ZFYVE1: variants seen among roughly 807,000 people sequenced by gnomAD.
ZFYVE1 encodes zinc finger FYVE-type containing 1.
In ZFYVE1, 30 loss-of-function variants were observed where a neutral mutation model predicts 74.4. The ratio of observed to expected loss-of-function variants is 0.40; its 90% CI spans 0.30 to 0.55. ZFYVE1 has a LOEUF of 0.55. Ranked by LOEUF, ZFYVE1 falls within the 20% of genes least tolerant of loss-of-function variation. ZFYVE1 has a pLI of 0.42. For missense variants in ZFYVE1, 703 were observed against 1,011.6 expected, an observed-to-expected ratio of 0.69 and a Z score of 4.14; for synonymous variants, 335 against 385.1, an observed-to-expected ratio of 0.87 and a Z score of 1.52.
chr14:72,997,777 A>T, intron 3 of ZFYVE1, 34 bp downstream of exon 3: 3 of 1,543,536 alleles, frequency 1.9e-6, no homozygotes, highest in Non-Finnish European at 2.6e-6. Context: ...GTACCCATAA[A>T]GGTTGAGCTG....
chr14:73,017,377 C>G (rs1395068031), intron 2 of ZFYVE1, among the ~76,000 whole-genome samples: 1 of 152,168 alleles, frequency 6.6e-6, no homozygotes, highest in Non-Finnish European at 1.5e-5. Flanking sequence ...CATGCTCCCC[C>G]AAAAGCTCAG....
intron 4 of ZFYVE1, chr14:72,987,052 T>A: frequency 1.3e-6 from 1 of 765,748 alleles, no homozygotes; most frequent in Non-Finnish European, 1.6e-6. Context: ...TGAACTTTAG[T>A]TGCCTTGACA....
chr14:72,984,873 A>G (rs1264126010), intron 4 of ZFYVE1, among the ~76,000 whole-genome samples: 1 of 152,232 alleles, frequency 6.6e-6, no homozygotes, highest in South Asian at 2.1e-4. Context: ...ATACTGTGAA[A>G]GCAGCTTCCT....
At chr14:73,022,828 T>A (rs982330726) in intron 2 of ZFYVE1, among the ~76,000 whole-genome samples, 31 of 152,212 alleles carry the variant, frequency 2.0e-4, no homozygotes, top group Non-Finnish European at 1.8e-4. Context: ...CATTCTGTAC[T>A]CCCAGATGCC....
intron 2 of ZFYVE1, among the ~76,000 whole-genome samples, chr14:73,007,074 A>AC (rs1893996526): frequency 6.6e-6 from 1 of 152,080 alleles, no homozygotes; most frequent in African/African-American, 2.4e-5. Context: ...CCTGCGACCC[A>AC]AGCAGGCCAA....
At chr14:72,995,589 AC>A (rs1172659651) in intron 3 of ZFYVE1, among the ~76,000 whole-genome samples, 1 of 152,082 alleles carries the variant, frequency 6.6e-6, no homozygotes, top group Non-Finnish European at 1.5e-5. Context: ...TGGCAATTAA[AC>A]CTTCCCCTCA....
rs1343532993 is a variant in ZFYVE1 at position 72,969,567 on chromosome 14, G to A, written c.*1315C>T. The A allele has an allele frequency of 9.8e-5, 62 of 631,230 alleles. No homozygotes were observed. Among genetic ancestry groups the A allele is most frequent in the Non-Finnish European group, 1.1e-4 (38 of 353,334 alleles). The allele number at this position is 631,230 out of a possible 1,614,324, so 39.1% of individuals were successfully genotyped here. On this transcript the variant is annotated 3_prime_UTR_variant, in exon 12 of 12. Transcript: ENST00000556143. ...GGGCTGAGAGGGACGACACACTCCA[G>A]GGCTCATGTCACACCGATAGGCGCA...
intron 2 of ZFYVE1, among the ~76,000 whole-genome samples, chr14:73,009,372 G>T (rs1049615943): frequency 6.6e-6 from 1 of 152,198 alleles, no homozygotes; most frequent in Non-Finnish European, 1.5e-5. Flanking sequence ...TGTAGTAAAT[G>T]CTAGAGGCAT....
At chr14:73,023,718 C>T (rs1429452220) in intron 2 of ZFYVE1, among the ~76,000 whole-genome samples, 1 of 151,910 alleles carries the variant, frequency 6.6e-6, no homozygotes, top group East Asian at 1.9e-4. Flanking sequence ...CAACAGCTAC[C>T]GTATACACTG....
intron 8 of ZFYVE1, among the ~76,000 whole-genome samples, chr14:72,977,263 C>T (rs565209756): frequency 2.0e-5 from 3 of 151,848 alleles, no homozygotes; most frequent in Non-Finnish European, 4.4e-5. Flanking sequence ...CAAAATTAGC[C>T]GGGCGTGGCG....
chr14:72,992,619 C>G (rs1321517375), intron 4 of ZFYVE1, among the ~76,000 whole-genome samples: 3 of 110,130 alleles, frequency 2.7e-5, no homozygotes, highest in Admixed American at 1.7e-4. Flanking sequence ...TCAGGTGCCC[C>G]CCCCGCCCCT....
intron 2 of ZFYVE1, among the ~76,000 whole-genome samples, chr14:73,000,861 T>C (rs1893854316): frequency 6.6e-6 from 1 of 152,204 alleles, no homozygotes; most frequent in Non-Finnish European, 1.5e-5. Context: ...AAATGTGGTA[T>C]ATCCACACAC....
intron 2 of ZFYVE1, among the ~76,000 whole-genome samples, chr14:73,006,077 G>A (rs1893971866): frequency 6.6e-6 from 1 of 151,848 alleles, no homozygotes; most frequent in Non-Finnish European, 1.5e-5. Context: ...CCGCCACCAC[G>A]CCCGGAGAAT....
chr14:73,010,110 A>T (rs114354310), intron 2 of ZFYVE1, among the ~76,000 whole-genome samples: 61 of 152,278 alleles, frequency 4.0e-4, no homozygotes, highest in African/African-American at 1.4e-3. Context: ...ATAATTGAAC[A>T]AGCAGGATCC....
chr14:72,973,501 A>G (rs1893089069), intron 11 of ZFYVE1, among the ~76,000 whole-genome samples: 1 of 130,022 alleles, frequency 7.7e-6, no homozygotes, highest in African/African-American at 3.0e-5. Context: ...AAAAACAAAC[A>G]AACAAACAAA....
intron 2 of ZFYVE1, among the ~76,000 whole-genome samples, chr14:73,003,796 C>G (rs1469306461): frequency 6.6e-6 from 1 of 152,170 alleles, no homozygotes; most frequent in Non-Finnish European, 1.5e-5. Flanking sequence ...CCTGATAATA[C>G]TAACAGTTCA....
intron 2 of ZFYVE1, among the ~76,000 whole-genome samples, chr14:73,011,492 ATTGTT>A (rs1028873385): frequency 3.3e-5 from 5 of 151,810 alleles, no homozygotes; most frequent in African/African-American, 9.6e-5. Context: ...TTCTCAAAAG[ATTGTT>A]TTGTTTTATT....
rs1893184952 is a variant in ZFYVE1, at chr14:72,976,834, A to T, written c.1635+1093T>A. Reference sequence around the variant, plus strand: ...ATAAGGAAATCTTCAGTTTTATGGTACCTATAGGATCCAGGAAAGCTCAGG... The same window carrying T: ...ATAAGGAAATCTTCAGTTTTATGGTTCCTATAGGATCCAGGAAAGCTCAGG... On this transcript the variant is annotated intron_variant, in intron 8 of 11. Coordinates refer to ENST00000556143, the MANE Select transcript of ZFYVE1 (RefSeq NM_021260.4). Among the ~76,000 whole-genome samples, 4 of 151,976 alleles carry T rather than the reference A, an allele frequency of 2.6e-5. No individual in the cohort carries two copies. The South Asian group carries it at 8.3e-4, about 32-fold the overall frequency.
intron 2 of ZFYVE1, among the ~76,000 whole-genome samples, chr14:73,018,430 CAA>C (rs397853346): frequency 1.3e-3 from 74 of 55,966 alleles, no homozygotes; most frequent in African/African-American, 3.5e-3. Flanking sequence ...GACTCCATCT[CAA>C]AAAAAAAAAA....
Sources: allele counts gnomAD v4.1 joint callset (sites outside exome capture counted in the v4.1 genomes callset), GRCh38; gene constraint gnomAD v4.1.1; transcripts MANE v1.5; gene names NCBI Gene and HGNC (gene_info 2026-07-23, HGNC 2026-07-21).